The following PPP2R2C variants were observed in gnomAD, a reference collection of about 807,000 sequenced individuals.
The protein encoded by PPP2R2C is protein phosphatase 2, regulatory subunit B, gamma.
PPP2R2C carries 10 observed loss-of-function variants against 45.3 expected under a neutral mutation model. The ratio of observed to expected loss-of-function variants is 0.22; its 90% confidence interval spans 0.14 to 0.37. PPP2R2C has a LOEUF of 0.37. Ranked by LOEUF, PPP2R2C falls within the 10% of genes least tolerant of loss-of-function variation. The pLI, the probability that PPP2R2C is intolerant of heterozygous loss-of-function variation, is 1.00. For synonymous variants in PPP2R2C, 257 were observed against 245.4 expected, an observed-to-expected ratio of 1.05 and a Z score of -0.44; for missense variants, 308 against 619.7, an observed-to-expected ratio of 0.50 and a Z score of 5.34.
chr4:6,393,904 C>T (rs1039043651), intron 1 of PPP2R2C, among the ~76,000 whole-genome samples: 6 of 152,326 alleles, frequency 3.9e-5, no homozygotes, highest in East Asian at 1.9e-4. Context: ...GGCTTCAGCA[C>T]GACCAACCCT....
intron 1 of PPP2R2C, among the ~76,000 whole-genome samples, chr4:6,393,001 C>A (rs933518557): frequency 6.6e-6 from 1 of 152,178 alleles, no homozygotes; most frequent in Non-Finnish European, 1.5e-5. Context: ...TGAGGAAAGG[C>A]GTTGCATCAT....
chr4:6,549,454 G>A (rs1725107504), intron 1 of PPP2R2C, among the ~76,000 whole-genome samples: 1 of 152,202 alleles, frequency 6.6e-6, no homozygotes, highest in African/African-American at 2.4e-5. Flanking sequence ...TAATGACAAA[G>A]ATACAGGGAA....
intron 2 of PPP2R2C, among the ~76,000 whole-genome samples, chr4:6,477,730 C>CAAAAAA (rs5855918): frequency 2.9e-4 from 22 of 77,084 alleles, no homozygotes; most frequent in African/African-American, 6.6e-4. Flanking sequence ...GACTCCGTCT[C>CAAAAAA]AAAAAAAAAA....
chr4:6,375,021 AT>A (rs1715180527), intron 4 of PPP2R2C, among the ~76,000 whole-genome samples: 1 of 152,044 alleles, frequency 6.6e-6, no homozygotes, highest in Non-Finnish European at 1.5e-5. Flanking sequence ...CATAAACAGG[AT>A]TTTTATGAAG....
intron 3 of PPP2R2C, 82 bp from the exon 4 acceptor site, chr4:6,376,013 C>A: frequency 8.6e-7 from 1 of 1,161,952 alleles, no homozygotes; most frequent in South Asian, 1.3e-5. Flanking sequence ...AAGGTGAAAT[C>A]ATGAGGCACC....
intron 1 of PPP2R2C, among the ~76,000 whole-genome samples, chr4:6,402,897 C>G (rs1219013855): frequency 1.3e-5 from 2 of 152,258 alleles, no homozygotes; most frequent in Non-Finnish European, 2.9e-5. Flanking sequence ...ACCTCAACGG[C>G]AGACAGAGGC....
At chr4:6,495,510 C>A (rs1460184463) in intron 2 of PPP2R2C, among the ~76,000 whole-genome samples, 1 of 152,246 alleles carries the variant, frequency 6.6e-6, no homozygotes, top group Non-Finnish European at 1.5e-5. Context: ...CGCCCCCACA[C>A]TCTATGTCCT....
chr4:6,372,535 C>A lies in PPP2R2C; in HGVS notation c.613G>T (p.Asp205Tyr). 2 of 1,614,064 alleles carry A rather than the reference C, an allele frequency of 1.2e-6. No homozygotes were observed. The highest frequency in any genetic ancestry group is 1.1e-5 in the South Asian group (1 of 91,060). ...RINLWHLAITDRSFNIVDIKP... is the reference protein window; with the variant it reads ...RINLWHLAITYRSFNIVDIKP... The stretch of plus-strand genomic sequence containing the variant: ...CAGTGAAGGATACTGAAGCTCCTGT[C>A]GGTGATGGCCAGGTGCCAGAGGTTG... Residue 205 changes from aspartate (D) to tyrosine (Y), a missense_variant, in exon 5 of 9, where the codon GAC (aspartate) becomes TAC (tyrosine). Coordinates refer to ENST00000382599, the MANE Select transcript of PPP2R2C (RefSeq NM_020416.4).
chr4:6,496,875 A>AAATAAATAAAT (rs1382695879), intron 2 of PPP2R2C, among the ~76,000 whole-genome samples: 1 of 150,698 alleles, frequency 6.6e-6, no homozygotes, highest in East Asian at 1.9e-4. Context: ...ATAAATAAAT[A>AAATAAATAAAT]AATAAATAAA....
chr4:6,531,561 CT>C (rs11327901), intron 2 of PPP2R2C, among the ~76,000 whole-genome samples: 58,161 of 143,586 alleles, frequency 0.41, 11,838 homozygotes, highest in Non-Finnish European at 0.47. Context: ...TCCCGTTTTC[CT>C]TTTTTTTTTT....
chr4:6,464,360 G>T (rs10027973), intron 1 of PPP2R2C, among the ~76,000 whole-genome samples: 64,698 of 151,958 alleles, frequency 0.43, 15,340 homozygotes, highest in African/African-American at 0.63. Context: ...GGTGCTGAGG[G>T]ATGTACAGAC....
At position 6,472,520 on chromosome 4, in the gene PPP2R2C, G is replaced by A. The variant is rs1329438644; in HGVS notation, c.-291C>T. 3.2e-5 allele frequency: 5 copies of A among 154,386 alleles called. No homozygotes were observed. Among genetic ancestry groups the A allele is most frequent in the African/African-American group, 1.2e-4 (5 of 41,030 alleles). 9.6% of individuals were successfully genotyped at this position (154,386 alleles called of 1,614,324 possible). On this transcript the variant is annotated 5_prime_UTR_variant, in exon 1 of 9. Coordinates refer to ENST00000382599, the MANE Select transcript of PPP2R2C (RefSeq NM_020416.4). ...GCGCTGCGTCCGTGCGCCCGGCGGC[G>A]GGGCCTGGTGCCGGTGCGCCTGGCT...
intron 1 of PPP2R2C, among the ~76,000 whole-genome samples, chr4:6,457,916 T>C (rs540085755): frequency 6.6e-6 from 1 of 152,348 alleles, no homozygotes; most frequent in African/African-American, 2.4e-5. Flanking sequence ...CTTTCAACAC[T>C]GTGAAATATC....
At chr4:6,406,411 G>T (rs1184114758) in intron 1 of PPP2R2C, among the ~76,000 whole-genome samples, 1 of 152,212 alleles carries the variant, frequency 6.6e-6, no homozygotes, top group African/African-American at 2.4e-5. Flanking sequence ...ACTGCAATGG[G>T]TTGAATGGTG....
chr4:6,367,529 C>A (rs572461334), intron 5 of PPP2R2C, among the ~76,000 whole-genome samples: 1 of 152,320 alleles, frequency 6.6e-6, no homozygotes, highest in Non-Finnish European at 1.5e-5. Flanking sequence ...CCCACTGAGA[C>A]TTGCTTAGAA....
chr4:6,390,877 A>G (rs921393717), intron 1 of PPP2R2C, among the ~76,000 whole-genome samples: 21 of 152,056 alleles, frequency 1.4e-4, no homozygotes, highest in Non-Finnish European at 2.5e-4. Flanking sequence ...GAACCCCCAC[A>G]TTTCATCACC....
intron 1 of PPP2R2C, among the ~76,000 whole-genome samples, chr4:6,465,509 T>C (rs73207847): frequency 0.09 from 13,652 of 152,146 alleles, 825 homozygotes; most frequent in Non-Finnish European, 0.13. Flanking sequence ...CTATAATTCG[T>C]GGGGCACAGG....
intron 1 of PPP2R2C, among the ~76,000 whole-genome samples, chr4:6,426,846 G>C (rs1719359135): frequency 6.6e-6 from 1 of 152,228 alleles, no homozygotes; most frequent in Admixed American, 6.5e-5. Context: ...CCAAACACTG[G>C]CTCAAGCAAG....
Position 6,510,980 on chromosome 4 carries a change from C to CAAAAAAAA in PPP2R2C, c.49+24283_49+24290dup, listed in dbSNP as rs752037080. ...CAACAGAGTGAGACTCCGTCTCAAA[C>CAAAAAAAA]AAAAAAAAACAAACAAACAAAAAAA... On this transcript the variant is annotated intron_variant, in intron 2 of 9. Coordinates refer to the PPP2R2C transcript ENST00000506140. 2.1e-3 allele frequency among the ~76,000 whole-genome samples: 86 copies of CAAAAAAAA among 41,212 alleles called. 2 individuals are homozygous for CAAAAAAAA. The highest frequency in any genetic ancestry group is 9.2e-3 in the East Asian group (10 of 1,092). The allele number at this position is 41,212 out of a possible 152,430, so 27.0% of individuals were successfully genotyped here.
Sources: allele counts gnomAD v4.1 joint callset (sites outside exome capture counted in the v4.1 genomes callset), GRCh38; gene constraint gnomAD v4.1.1; transcripts MANE v1.5; gene names NCBI Gene and HGNC (gene_info 2026-07-23, HGNC 2026-07-21).